The following PTPRD variants were observed in gnomAD, a reference collection of about 807,000 sequenced individuals.
PTPRD encodes the protein receptor-type tyrosine-protein phosphatase delta.
PTPRD carries 34 observed loss-of-function variants against 214.5 expected under a neutral mutation model. That is an observed-to-expected ratio of 0.16 (90% CI 0.12 to 0.21). The LOEUF (loss-of-function observed/expected upper bound fraction) is 0.21. PTPRD is among the 10% of genes least tolerant of loss of function. The pLI is 1.00. For missense variants in PTPRD, 2,545 were observed against 2,398.7 expected, an observed-to-expected ratio of 1.06 and a Z score of -1.27; for synonymous variants, 1,128 against 845.7, an observed-to-expected ratio of 1.33 and a Z score of -5.79.
At chr9:9,466,673 G>C (rs1445079214) in intron 8 of PTPRD, among the ~76,000 whole-genome samples, 2 of 152,088 alleles carry the variant, frequency 1.3e-5, no homozygotes, top group Non-Finnish European at 2.9e-5. Context: ...CAACTTATTT[G>C]ATAGTTCATC....
chr9:10,420,927 T>C (rs898049118), intron 2 of PTPRD, among the ~76,000 whole-genome samples: 53 of 151,940 alleles, frequency 3.5e-4, no homozygotes, highest in African/African-American at 1.2e-3. Context: ...AATTGTCTCA[T>C]GCTTTCTTCA....
intron 2 of PTPRD, among the ~76,000 whole-genome samples, chr9:10,605,863 G>A (rs979403488): frequency 6.6e-6 from 1 of 151,754 alleles, no homozygotes; most frequent in Admixed American, 6.6e-5. Flanking sequence ...TTTGGGACTA[G>A]ATAATATTAT....
intron 11 of PTPRD, among the ~76,000 whole-genome samples, chr9:8,751,149 C>G (rs2093480745): frequency 6.6e-6 from 1 of 152,180 alleles, no homozygotes; most frequent in African/African-American, 2.4e-5. Flanking sequence ...CTGCCCTTCT[C>G]TGTTCCTACA....
intron 5 of PTPRD, among the ~76,000 whole-genome samples, chr9:9,795,431 C>T (rs1477692614): frequency 3.3e-5 from 5 of 151,958 alleles, no homozygotes; most frequent in Admixed American, 2.0e-4. Context: ...GCCAAGGAAG[C>T]ATTTGGATAG....
intron 27 of PTPRD, among the ~76,000 whole-genome samples, chr9:8,489,967 T>C (rs1591828363): frequency 1.3e-5 from 2 of 152,120 alleles, no homozygotes; most frequent in Non-Finnish European, 2.9e-5. Flanking sequence ...CATATTCTAG[T>C]TGGGAAAATA....
At chr9:8,603,009 C>T (rs1195151610) in intron 14 of PTPRD, among the ~76,000 whole-genome samples, 1 of 151,994 alleles carries the variant, frequency 6.6e-6, no homozygotes, top group African/African-American at 2.4e-5. Flanking sequence ...AACAACACTG[C>T]AAAAAAATAT....
intron 14 of PTPRD, among the ~76,000 whole-genome samples, chr9:8,617,229 A>T (rs2154296390): frequency 6.6e-6 from 1 of 152,264 alleles, no homozygotes; most frequent in South Asian, 2.1e-4. Context: ...TGCAGAAAGA[A>T]GGAAGAGAGA....
At chr9:8,484,560 C>T (rs572926207) in intron 29 of PTPRD, among the ~76,000 whole-genome samples, 182 bp from the exon 30 acceptor site, 57 of 130,142 alleles carry the variant, frequency 4.4e-4, no homozygotes, top group Non-Finnish European at 8.7e-4. Flanking sequence ...TCATTTCCTA[C>T]TGTGTAATGA....
At chr9:9,421,100 C>G (rs2078641830) in intron 8 of PTPRD, among the ~76,000 whole-genome samples, 1 of 151,802 alleles carries the variant, frequency 6.6e-6, no homozygotes. Context: ...TGTAAATATA[C>G]AATTTATGAG....
chr9:9,004,594 T>C (rs1471686705), intron 11 of PTPRD, among the ~76,000 whole-genome samples: 1 of 152,030 alleles, frequency 6.6e-6, no homozygotes, highest in Non-Finnish European at 1.5e-5. Context: ...ATATGGATCA[T>C]TCCCATTTTC....
At chr9:9,703,025 T>A (rs1346428352) in intron 7 of PTPRD, among the ~76,000 whole-genome samples, 1 of 152,168 alleles carries the variant, frequency 6.6e-6, no homozygotes, top group Non-Finnish European at 1.5e-5. Context: ...CACCCAAATC[T>A]CATCTCGAAT....
intron 11 of PTPRD, among the ~76,000 whole-genome samples, chr9:8,858,854 C>CACAG (rs1217791360): frequency 1.3e-5 from 2 of 151,456 alleles, no homozygotes; most frequent in Non-Finnish European, 2.9e-5. Flanking sequence ...CACACAGACA[C>CACAG]ACACACACCA....
chr9:8,405,656 A>C (rs2092901872), intron 35 of PTPRD, among the ~76,000 whole-genome samples: 1 of 152,158 alleles, frequency 6.6e-6, no homozygotes, highest in Non-Finnish European at 1.5e-5. Context: ...TGTTATATGG[A>C]AACACAAGTT....
intron 11 of PTPRD, among the ~76,000 whole-genome samples, chr9:9,015,619 T>A (rs2099531608): frequency 6.6e-6 from 1 of 152,190 alleles, no homozygotes; most frequent in South Asian, 2.1e-4. Flanking sequence ...TTCACTTTAC[T>A]CTATGGACTT....
At chr9:8,416,906 C>A (rs1448460810) in intron 35 of PTPRD, among the ~76,000 whole-genome samples, 1 of 151,924 alleles carries the variant, frequency 6.6e-6, no homozygotes. Context: ...ATGAGTCACT[C>A]TTGGTGGTCC....
intron 9 of PTPRD, among the ~76,000 whole-genome samples, chr9:9,377,679 A>C (rs2780078): frequency 0.6 from 90,800 of 151,726 alleles, 27,840 homozygotes; most frequent in African/African-American, 0.73. Context: ...TCAGACATTG[A>C]CTACAAACAG....
At chr9:10,058,423 T>A (rs1263840787) in intron 3 of PTPRD, among the ~76,000 whole-genome samples, 3 of 152,078 alleles carry the variant, frequency 2.0e-5, no homozygotes, top group Non-Finnish European at 2.9e-5. Flanking sequence ...CCACTTGCAA[T>A]TGCTACTTAT....
At chr9:10,573,586 G>A (rs2068168193) in intron 2 of PTPRD, among the ~76,000 whole-genome samples, 1 of 152,152 alleles carries the variant, frequency 6.6e-6, no homozygotes, top group South Asian at 2.1e-4. Flanking sequence ...TTTTCAGGAG[G>A]AAGGCATTGA....
chr9:8,699,477 T>C (rs1056983243), intron 12 of PTPRD, among the ~76,000 whole-genome samples: 1 of 152,188 alleles, frequency 6.6e-6, no homozygotes, highest in African/African-American at 2.4e-5. Context: ...CCCTCTATAA[T>C]GACTCATTTA....
Sources: gnomAD v4.1 joint callset for allele counts (sites outside exome capture counted in the v4.1 genomes callset) on GRCh38, gnomAD v4.1.1 for gene constraint, MANE v1.5 for transcripts, NCBI Gene and HGNC (gene_info 2026-07-23, HGNC 2026-07-21) for gene names.